ATF6: variants seen among roughly 807,000 people sequenced by gnomAD.
ATF6 encodes the protein activating transcription factor 6.
Under a neutral mutation model 83.6 loss-of-function variants are expected in ATF6, and 53 were observed. The observed-to-expected ratio is 0.63, with a 90% confidence interval of 0.51 to 0.80. The LOEUF is 0.80. Among genes scored for constraint, ATF6 ranks in the 30% least tolerant of loss-of-function variants. ATF6 has a pLI of 0.00. For synonymous variants in ATF6, 288 were observed against 285.8 expected, an observed-to-expected ratio of 1.01 and a Z score of -0.08; for missense variants, 744 against 797.9, an observed-to-expected ratio of 0.93 and a Z score of 0.81.
At chr1:161,778,138 T>C in intron 1 of ATF6, 106 bp from the exon 2 acceptor site, 2 of 753,948 alleles carry the variant, frequency 2.7e-6, no homozygotes, top group Non-Finnish European at 4.3e-6. Flanking sequence ...ATAATAGTAA[T>C]GGCTAATGAG....
intron 13 of ATF6, among the ~76,000 whole-genome samples, chr1:161,861,354 T>C (rs1191639494): frequency 1.3e-5 from 2 of 152,198 alleles, no homozygotes; most frequent in African/African-American, 4.8e-5. Context: ...TTCATTATAC[T>C]AATAACTGAG....
rs116794709 is a variant in ATF6, at chr1:161,942,299, G to A, written c.1805-16147G>A. ...AACTATGAAGAATGCAGTTTATTTC[G>A]TCTCCATAAGACTGTGAGGCAGTGG... On this transcript the variant is annotated intron_variant, in intron 15 of 15. Coordinates refer to ENST00000367942, the MANE Select transcript of ATF6 (RefSeq NM_007348.4). 3.6e-3 allele frequency among the ~76,000 whole-genome samples: 541 copies of A among 152,258 alleles called. 5 individuals carry two copies. The highest frequency in any genetic ancestry group is 0.012 in the African/African-American group (514 of 41,540).
intron 14 of ATF6, among the ~76,000 whole-genome samples, chr1:161,886,041 AAGG>A (rs1240114937): frequency 3.9e-5 from 6 of 152,122 alleles, no homozygotes; most frequent in Admixed American, 2.0e-4. Flanking sequence ...TTCATCAAGG[AAGG>A]AGGAGGTAGT....
chr1:161,797,669 A>G (rs1254537571), intron 6 of ATF6, among the ~76,000 whole-genome samples: 4 of 152,228 alleles, frequency 2.6e-5, no homozygotes, highest in African/African-American at 7.2e-5. Context: ...GAAATCAGAG[A>G]TCACACAAAC....
intron 14 of ATF6, among the ~76,000 whole-genome samples, chr1:161,875,634 A>G (rs1362386016): frequency 2.6e-5 from 4 of 151,964 alleles, no homozygotes; most frequent in African/African-American, 7.2e-5. Context: ...TTGAAGTGGT[A>G]GATTCACTAA....
chr1:161,819,731 G>A lies in ATF6; in HGVS notation c.1008G>A (p.Ala336=), dbSNP rs756515813. The A allele has an allele frequency of 1.1e-5, 17 of 1,612,932 alleles. No homozygotes were observed. Among genetic ancestry groups the A allele is most frequent in the Middle Eastern group, 1.6e-4 (1 of 6,080 alleles). ...KKKEYMLGLE[A]RLKAALSENE... The stretch of plus-strand genomic sequence containing the variant: ...AAGAATATATGCTAGGGTTAGAGGC[G>A]AGATTAAAGGCTGCCCTCTCAGAAA... The change falls in exon 8 of 16, where the codon GCG becomes GCA. Residue 336 remains alanine, a synonymous_variant. Coordinates refer to ENST00000367942, the MANE Select transcript of ATF6 (RefSeq NM_007348.4).
chr1:161,851,618 A>T, intron 10 of ATF6, 104 bp from the exon 11 acceptor site: 1 of 692,526 alleles, frequency 1.4e-6, no homozygotes. Flanking sequence ...TGTTTACTAT[A>T]TTTTTGTTTC....
In ATF6 at chr1:161,959,537, A is replaced by G. The variant is rs963582472; in HGVS notation, c.*883A>G. ...TACAAAAAATTAGCCGGGCGTAGTGACGGGCGCCTGTAGTCCCAGCTACTT... is the reference window on the plus strand; with the variant it reads ...TACAAAAAATTAGCCGGGCGTAGTGGCGGGCGCCTGTAGTCCCAGCTACTT... On this transcript the variant is annotated 3_prime_UTR_variant, in exon 16 of 16. Transcript: ENST00000367942. 1.9e-4 allele frequency: 29 copies of G among 151,940 alleles called. No homozygotes were observed. The highest frequency in any genetic ancestry group is 3.9e-4 in the East Asian group (2 of 5,178). The allele number at this position is 151,940 out of a possible 1,614,324, so 9.4% of individuals were successfully genotyped here. A position where few individuals can be genotyped will look rare whatever the true frequency, so the allele number is the denominator to read the frequency against.
chr1:161,775,182 C>T (rs1684486846), intron 1 of ATF6, among the ~76,000 whole-genome samples: 1 of 152,164 alleles, frequency 6.6e-6, no homozygotes, highest in Admixed American at 6.5e-5. Flanking sequence ...ATGCGATGTT[C>T]CTATGCCATC....
In ATF6 at chr1:161,766,407, G is replaced by C. The variant is rs112863172; in HGVS notation, c.47G>C (p.Ser16Thr). 6.2e-7 allele frequency: 1 copy of C among 1,613,624 alleles called. No individual in the cohort carries two copies. The highest frequency in any genetic ancestry group is 8.5e-7 in the Non-Finnish European group (1 of 1,179,758). ...GCCGGCACCATGGAGTCACCTTTTAGCCCGGGACTCTTTCACAGGCTGGAT... is the reference window on the plus strand; with the variant it reads ...GCCGGCACCATGGAGTCACCTTTTACCCCGGGACTCTTTCACAGGCTGGAT... The part of the protein sequence containing the change: ...GVAGTMESPF[S>T]PGLFHRLDED... Residue 16 changes from serine (S) to threonine (T), a missense_variant, in exon 1 of 16, where the codon AGC becomes ACC. Transcript: ENST00000367942.
chr1:161,797,153 A>T (rs1234601488), intron 6 of ATF6, among the ~76,000 whole-genome samples: 1 of 152,204 alleles, frequency 6.6e-6, no homozygotes. Context: ...CAAATTAGGC[A>T]TCAAAGGAAC....
In ATF6 at chr1:161,783,846, C is replaced by CT. The variant is rs1571125894; in HGVS notation, c.248-141dup. 19 of 594,772 alleles carry CT rather than the reference C, an allele frequency of 3.2e-5. No homozygotes were observed. The East Asian group carries it at 5.6e-4, about 17-fold the overall frequency. 36.8% of individuals were successfully genotyped at this position (594,772 alleles called of 1,614,324 possible). A position where few individuals can be genotyped will look rare whatever the true frequency, so the allele number is the denominator to read the frequency against. Reference sequence around the variant, plus strand: ...ATACTAGATATATTGTTTTCTGCATCTTTCATTTTCACTCGTTATATTTTG... The same window carrying CT: ...ATACTAGATATATTGTTTTCTGCATCTTTTCATTTTCACTCGTTATATTTTG... On this transcript the variant is annotated intron_variant, in intron 3 of 15. Coordinates refer to ENST00000367942, the MANE Select transcript of ATF6 (RefSeq NM_007348.4).
At chr1:161,904,650 A>C (rs1376803499) in intron 14 of ATF6, among the ~76,000 whole-genome samples, 1 of 151,308 alleles carries the variant, frequency 6.6e-6, no homozygotes, top group African/African-American at 2.4e-5. Context: ...CACACACACA[A>C]AACTGAATGG....
chr1:161,948,021 G>A lies in ATF6; in HGVS notation c.1805-10425G>A, dbSNP rs369880574. 2.6e-4 allele frequency among the ~76,000 whole-genome samples: 40 copies of A among 151,760 alleles called. No individual in the cohort carries two copies. In the South Asian group the frequency reaches 6.9e-3, roughly 26 times the overall value. On this transcript the variant is annotated intron_variant, in intron 15 of 15. Transcript: ENST00000367942. ...GTATTTTTAGTAGAGACAGGGCTTCGCCACATTGGTCAGGCTGGTCTCGAA... is the reference window on the plus strand; with the variant it reads ...GTATTTTTAGTAGAGACAGGGCTTCACCACATTGGTCAGGCTGGTCTCGAA...
chr1:161,960,148 T>C lies in ATF6; in HGVS notation c.*1494T>C, dbSNP rs1478367161. ...TACTATGCCTCTTTTTTCACCATAGTAGACAATTATGTTTCATTTGATGAA... is the reference window on the plus strand; with the variant it reads ...TACTATGCCTCTTTTTTCACCATAGCAGACAATTATGTTTCATTTGATGAA... On this transcript the variant is annotated 3_prime_UTR_variant, in exon 16 of 16. Coordinates refer to ENST00000367942, the MANE Select transcript of ATF6 (RefSeq NM_007348.4). 1 of 152,102 alleles carries C rather than the reference T, an allele frequency of 6.6e-6. No homozygotes were observed. Among genetic ancestry groups the C allele is most frequent in the Non-Finnish European group, 1.5e-5 (1 of 68,002 alleles). The allele number at this position is 152,102 out of a possible 1,614,324, so 9.4% of individuals were successfully genotyped here.
chr1:161,945,401 G>A (rs1010883880), intron 15 of ATF6, among the ~76,000 whole-genome samples: 8 of 152,066 alleles, frequency 5.3e-5, no homozygotes, highest in Non-Finnish European at 1.0e-4. Context: ...CTGCACTTGG[G>A]TTAAAGGCAG....
intron 1 of ATF6, among the ~76,000 whole-genome samples, chr1:161,773,870 A>G (rs1362914868): frequency 6.6e-6 from 1 of 152,192 alleles, no homozygotes; most frequent in Non-Finnish European, 1.5e-5. Context: ...TAAATATACG[A>G]GTATATTTAT....
intron 14 of ATF6, among the ~76,000 whole-genome samples, chr1:161,894,702 ATTTTTTT>A (rs59848309): frequency 6.4e-5 from 7 of 109,152 alleles, no homozygotes; most frequent in Admixed American, 3.7e-4. Context: ...AGCCGGGCTA[ATTTTTTT>A]TTTTTTTTTT....
intron 15 of ATF6, among the ~76,000 whole-genome samples, chr1:161,931,013 A>G (rs112859576): frequency 0.013 from 1,976 of 151,856 alleles, 15 homozygotes; most frequent in South Asian, 0.018. Flanking sequence ...AGTAGCTGGG[A>G]TTACAGGTGC....
Sources: gnomAD v4.1 joint callset for allele counts (sites outside exome capture counted in the v4.1 genomes callset) on GRCh38, gnomAD v4.1.1 for gene constraint, MANE v1.5 for transcripts, NCBI Gene and HGNC (gene_info 2026-07-23, HGNC 2026-07-21) for gene names.